Variants in ADGRL2 observed in about 807,000 individuals in gnomAD.
ADGRL2 encodes calcium-independent alpha-latrotoxin receptor 2.
ADGRL2 carries 44 observed loss-of-function variants against 157.4 expected under a neutral mutation model. That is an observed-to-expected ratio of 0.28 (90% CI 0.22 to 0.36). The LOEUF (loss-of-function observed/expected upper bound fraction) is 0.36. Among genes scored for constraint, ADGRL2 ranks in the 10% least tolerant of loss-of-function variants. ADGRL2 has a pLI of 1.00. For synonymous variants in ADGRL2, 585 were observed against 624.7 expected (o/e 0.94, Z 0.95); for missense variants, 1,510 against 1,768.9 (o/e 0.85, Z 2.63).
chr1:81,947,069 T>C (rs1395223635), intron 6 of ADGRL2, among the ~76,000 whole-genome samples: 1 of 152,200 alleles, frequency 6.6e-6, no homozygotes, highest in Non-Finnish European at 1.5e-5. Flanking sequence ...CTTAGGTATT[T>C]TGTTTCTACT....
Position 81,957,235 on chromosome 1 carries a change from AG to A in ADGRL2, c.2017+1176del, listed in dbSNP as rs147006880. ...CTTCTTATGCCTCTTCAATTGTGCA[AG>A]AAAATTTCATGGGCTGGGTTCACAT... is the stretch of plus-strand genomic sequence containing the variant. On this transcript the variant is annotated intron_variant, in intron 11 of 23. Transcript: ENST00000686636. 8.0e-3 allele frequency among the ~76,000 whole-genome samples: 1,214 copies of A among 151,506 alleles called. 10 individuals are homozygous for A. The highest frequency in any genetic ancestry group is 0.015 in the South Asian group (70 of 4,820).
At chr1:81,936,221 T>C (rs370265305) in intron 3 of ADGRL2, among the ~76,000 whole-genome samples, 110 of 152,058 alleles carry the variant, frequency 7.2e-4, no homozygotes, top group African/African-American at 2.6e-3. Flanking sequence ...CACACCCAAC[T>C]GGATTTAGAG....
intron 2 of ADGRL2, among the ~76,000 whole-genome samples, chr1:81,563,313 C>T (rs1011519787): frequency 2.0e-5 from 3 of 152,104 alleles, no homozygotes; most frequent in Admixed American, 2.0e-4. Context: ...TATTGCTCTT[C>T]CTTGACAACC....
intron 2 of ADGRL2, among the ~76,000 whole-genome samples, chr1:81,511,354 T>A: frequency 1.7e-5 from 2 of 116,500 alleles, no homozygotes; most frequent in East Asian, 2.5e-4. Context: ...CCAGTCCAGG[T>A]AACACAGCAA....
At chr1:81,311,785 A>G (rs72713420) in intron 1 of ADGRL2, among the ~76,000 whole-genome samples, 43 of 152,334 alleles carry the variant, frequency 2.8e-4, no homozygotes, top group Non-Finnish European at 4.7e-4. Flanking sequence ...GATAAAAAAT[A>G]TATACTATGA....
chr1:81,933,608 A>T (rs1477880357), intron 3 of ADGRL2, among the ~76,000 whole-genome samples: 2 of 152,206 alleles, frequency 1.3e-5, no homozygotes, highest in African/African-American at 4.8e-5. Context: ...TTTTTAAATG[A>T]TAGCAATTTA....
chr1:81,538,742 CA>C (rs2079806717), intron 2 of ADGRL2, among the ~76,000 whole-genome samples: 2 of 152,112 alleles, frequency 1.3e-5, no homozygotes, highest in South Asian at 4.1e-4. Context: ...CAGTGGCTCA[CA>C]CCTATAAGCC....
intron 2 of ADGRL2, among the ~76,000 whole-genome samples, chr1:81,880,426 C>T (rs1038185924): frequency 3.9e-5 from 6 of 152,206 alleles, no homozygotes; most frequent in Middle Eastern, 6.8e-3. Flanking sequence ...GGTTATTTTC[C>T]TCCTTAGCTT....
intron 1 of ADGRL2, among the ~76,000 whole-genome samples, chr1:81,815,492 A>T (rs2090305720): frequency 1.3e-5 from 2 of 152,024 alleles, no homozygotes; most frequent in East Asian, 3.9e-4. Flanking sequence ...TTCAGATAAC[A>T]GCTACAACAC....
chr1:81,968,584 T>A (rs923573466), intron 14 of ADGRL2, among the ~76,000 whole-genome samples: 1 of 152,208 alleles, frequency 6.6e-6, no homozygotes, highest in African/African-American at 2.4e-5. Context: ...TCCTAACCAC[T>A]TTGCACATTG....
upstream of ADGRL2, among the ~76,000 whole-genome samples, chr1:81,698,903 C>T (rs2083500158): frequency 6.6e-6 from 1 of 151,726 alleles, no homozygotes. Context: ...TTTTTAATAC[C>T]ACAATCAACA....
intron 3 of ADGRL2, among the ~76,000 whole-genome samples, chr1:81,679,651 G>A (rs1323720719): frequency 6.6e-6 from 1 of 152,070 alleles, no homozygotes; most frequent in African/African-American, 2.4e-5. Flanking sequence ...TGCTATACTA[G>A]GTTTCTTGCT....
At chr1:81,960,785 T>C (rs1249557380) in intron 11 of ADGRL2, among the ~76,000 whole-genome samples, 1 of 152,174 alleles carries the variant, frequency 6.6e-6, no homozygotes, top group East Asian at 1.9e-4. Context: ...ATTTATTGTT[T>C]TAATGAGCTG....
intron 2 of ADGRL2, among the ~76,000 whole-genome samples, chr1:81,453,511 GA>G (rs2077741243): frequency 6.6e-6 from 1 of 152,082 alleles, no homozygotes; most frequent in South Asian, 2.1e-4. Flanking sequence ...TATGTACCTA[GA>G]GAGAGAAGAA....
At chr1:81,978,916 CTT>C (rs1040698543) in intron 17 of ADGRL2, among the ~76,000 whole-genome samples, 1 of 151,364 alleles carries the variant, frequency 6.6e-6, no homozygotes, top group South Asian at 2.1e-4. Flanking sequence ...CACAAAATGA[CTT>C]TTTTTTCCTT....
Position 81,706,244 on chromosome 1 carries a change from T to TA in ADGRL2, c.-143+6441dup, listed in dbSNP as rs1318107842. ...AAACAAAAAAATAAAAAAATTTTTT[T>TA]AAAAAGGGATGGAAAAGAGGATATA... On this transcript the variant is annotated intron_variant, in intron 1 of 20. Transcript: ENST00000359929. Among the ~76,000 whole-genome samples the TA allele has an allele frequency of 3.3e-5, 5 of 152,064 alleles. No homozygotes were observed. The East Asian group carries it at 9.6e-4, about 29-fold the overall frequency.
chr1:81,707,415 T>G (rs2083772591), intron 1 of ADGRL2, among the ~76,000 whole-genome samples: 1 of 152,130 alleles, frequency 6.6e-6, no homozygotes, highest in Non-Finnish European at 1.5e-5. Context: ...TTGTTTTGTG[T>G]GGCCTGCCCA....
intron 1 of ADGRL2, among the ~76,000 whole-genome samples, chr1:81,348,360 C>T (rs778871323): frequency 2.8e-4 from 43 of 152,170 alleles, no homozygotes; most frequent in African/African-American, 1.2e-4. Context: ...ACGACAAACT[C>T]GTCCTCTGGT....
intron 2 of ADGRL2, among the ~76,000 whole-genome samples, chr1:81,484,028 T>G (rs2078447119): frequency 1.3e-5 from 2 of 152,178 alleles, no homozygotes; most frequent in Non-Finnish European, 2.9e-5. Context: ...TGTTTTAAAC[T>G]GTGTAAGTCT....
Sources: allele counts gnomAD v4.1 joint callset (sites outside exome capture counted in the v4.1 genomes callset), GRCh38; gene constraint gnomAD v4.1.1; transcripts MANE v1.5; gene names NCBI Gene and HGNC (gene_info 2026-07-23, HGNC 2026-07-21).